Variants in GRM8 observed in about 807,000 individuals in gnomAD.
GRM8 encodes the protein glutamate metabotropic receptor 8, also known as metabotropic glutamate receptor 8.
GRM8 carries 47 observed loss-of-function variants against 87.2 expected under a neutral mutation model. The observed-to-expected ratio is 0.54, with a 90% CI of 0.43 to 0.69. The LOEUF is 0.69. GRM8 is among the 30% of genes least tolerant of loss of function. The pLI is 0.00. For synonymous variants in GRM8, 396 were observed against 404.5 expected, an observed-to-expected ratio of 0.98 and a Z score of 0.25; for missense variants, 1,019 against 1,139.2, an observed-to-expected ratio of 0.89 and a Z score of 1.52.
chr7:126,534,205 AT>A (rs953650523), intron 8 of GRM8, among the ~76,000 whole-genome samples: 34 of 152,312 alleles, frequency 2.2e-4, no homozygotes, highest in African/African-American at 7.2e-4. Flanking sequence ...ATACAAAAAA[AT>A]AAGAAGAAGC....
chr7:126,858,536 T>C (rs922810096), intron 6 of GRM8, among the ~76,000 whole-genome samples: 2 of 152,088 alleles, frequency 1.3e-5, no homozygotes, highest in Non-Finnish European at 2.9e-5. Context: ...CTCCAACAGA[T>C]AAAGGGCTAA....
intron 3 of GRM8, among the ~76,000 whole-genome samples, chr7:127,000,830 T>C (rs2132029402): frequency 6.6e-6 from 1 of 151,788 alleles, no homozygotes; most frequent in Non-Finnish European, 1.5e-5. Context: ...ATTGAATACT[T>C]AAAGATGGTT....
At chr7:126,956,878 C>T (rs1030594524) in intron 3 of GRM8, among the ~76,000 whole-genome samples, 6 of 152,170 alleles carry the variant, frequency 3.9e-5, no homozygotes, top group African/African-American at 1.2e-4. Context: ...GATAATGGAA[C>T]ATTTCACTCA....
At chr7:127,090,004 A>G (rs1017079431) in intron 3 of GRM8, among the ~76,000 whole-genome samples, 1 of 152,192 alleles carries the variant, frequency 6.6e-6, no homozygotes, top group African/African-American at 2.4e-5. Flanking sequence ...TTTTGTTTCA[A>G]TGGCATAGAT....
chr7:126,593,612 T>C (rs994679536), intron 8 of GRM8, among the ~76,000 whole-genome samples: 2 of 151,984 alleles, frequency 1.3e-5, no homozygotes, highest in African/African-American at 4.8e-5. Context: ...ATGGATTAAA[T>C]ACTTAAATAT....
intron 7 of GRM8, among the ~76,000 whole-genome samples, chr7:126,628,250 G>A (rs1338893804): frequency 2.6e-5 from 4 of 151,928 alleles, no homozygotes; most frequent in Non-Finnish European, 4.4e-5. Flanking sequence ...GTTTCACTGT[G>A]TTGCCAGGAT....
chr7:126,796,682 T>C (rs554562000), intron 6 of GRM8, among the ~76,000 whole-genome samples: 1 of 152,108 alleles, frequency 6.6e-6, no homozygotes, highest in Non-Finnish European at 1.5e-5. Context: ...CTTTTTGGTC[T>C]AGGAGAACAC....
intron 8 of GRM8, among the ~76,000 whole-genome samples, chr7:126,575,763 T>TA (rs890309645): frequency 1.3e-5 from 2 of 151,500 alleles, no homozygotes; most frequent in Non-Finnish European, 2.9e-5. Flanking sequence ...TGCCAACCCC[T>TA]AAAAAAAAAT....
Position 127,022,868 on chromosome 7 carries a change from C to T in GRM8, c.727+83628G>A, listed in dbSNP as rs139815801. On this transcript the variant is annotated intron_variant, in intron 3 of 10. Transcript: ENST00000339582. The stretch of plus-strand genomic sequence containing the variant: ...AACCCAGTTCTCCCACTTAATTTCT[C>T]TAAGCTTCAGTTTCCCCATCTATAA... Among the ~76,000 whole-genome samples, 6 of 152,174 alleles carry T rather than the reference C, an allele frequency of 3.9e-5. No individual in the cohort carries two copies. The East Asian group carries it at 1.2e-3, about 29-fold the overall frequency.
intron 3 of GRM8, among the ~76,000 whole-genome samples, chr7:126,952,667 C>T (rs1240178839): frequency 1.3e-5 from 2 of 152,028 alleles, no homozygotes; most frequent in Admixed American, 6.5e-5. Context: ...GAGAAGAACA[C>T]ATCATTTCTG....
In GRM8 at chr7:127,001,344, G is replaced by A. The variant is rs140882183; in HGVS notation, c.728-96661C>T. On this transcript the variant is annotated intron_variant, in intron 3 of 10. Coordinates refer to ENST00000339582, the MANE Select transcript of GRM8 (RefSeq NM_000845.3). Reference sequence around the variant, plus strand: ...CAAAAGTGATAAATTATATCAATTCGTTAATATAGAAATATAGACTATAAT... The same window carrying A: ...CAAAAGTGATAAATTATATCAATTCATTAATATAGAAATATAGACTATAAT... 2.7e-3 allele frequency among the ~76,000 whole-genome samples: 407 copies of A among 151,482 alleles called. 4 individuals carry two copies. The highest frequency in any genetic ancestry group is 9.4e-3 in the African/African-American group (388 of 41,432).
intron 3 of GRM8, among the ~76,000 whole-genome samples, chr7:127,052,090 A>C (rs1273663095): frequency 6.6e-6 from 1 of 152,200 alleles, no homozygotes; most frequent in Non-Finnish European, 1.5e-5. Flanking sequence ...TGTTTCATGA[A>C]AATTTTTGAT....
intron 6 of GRM8, among the ~76,000 whole-genome samples, chr7:126,791,027 GT>G (rs1221627630): frequency 1.3e-5 from 2 of 152,096 alleles, no homozygotes; most frequent in African/African-American, 4.8e-5. Context: ...CAGTGCCAGT[GT>G]TCTAAATGGA....
At chr7:126,592,295 G>C (rs1324581883) in intron 8 of GRM8, among the ~76,000 whole-genome samples, 3 of 151,562 alleles carry the variant, frequency 2.0e-5, no homozygotes, top group Non-Finnish European at 4.4e-5. Context: ...GCATCACCCT[G>C]ATACCAAAGC....
At chr7:126,656,154 G>C (rs908918549) in intron 7 of GRM8, among the ~76,000 whole-genome samples, 18 of 152,272 alleles carry the variant, frequency 1.2e-4, no homozygotes, top group African/African-American at 4.1e-4. Flanking sequence ...ATAATTCCAA[G>C]GGGCATTAAA....
intron 2 of GRM8, among the ~76,000 whole-genome samples, chr7:127,146,463 A>G (rs193213080): frequency 6.6e-6 from 1 of 152,160 alleles, no homozygotes; most frequent in East Asian, 1.9e-4. Flanking sequence ...TGGGGGTCTC[A>G]TGGCTCCAGG....
chr7:127,119,258 T>C lies in GRM8; in HGVS notation c.511-12546A>G, dbSNP rs545653170. Among the ~76,000 whole-genome samples the C allele has an allele frequency of 5.9e-5, 9 of 151,846 alleles. No homozygotes were observed. In the East Asian group the frequency reaches 7.8e-4, roughly 13 times the overall value. On this transcript the variant is annotated intron_variant, in intron 2 of 10. Transcript: ENST00000339582. ...AATCCCAGCACTTTGGGAGGCCGAG[T>C]TGGGATTGCTTGAGGTCAGGAGTTC...
At chr7:126,827,243 T>C (rs958815099) in intron 6 of GRM8, among the ~76,000 whole-genome samples, 4 of 152,182 alleles carry the variant, frequency 2.6e-5, no homozygotes, top group Non-Finnish European at 5.9e-5. Flanking sequence ...TTTTTTCCAA[T>C]TCTGTGAAGA....
intron 3 of GRM8, among the ~76,000 whole-genome samples, chr7:126,911,802 A>G (rs918636143): frequency 1.5e-4 from 23 of 152,204 alleles, no homozygotes; most frequent in Admixed American, 1.2e-3. Context: ...CCAGGCCATT[A>G]TACCTCCACA....
Sources: gnomAD v4.1 joint callset for allele counts (sites outside exome capture counted in the v4.1 genomes callset) on GRCh38, gnomAD v4.1.1 for gene constraint, MANE v1.5 for transcripts, NCBI Gene and HGNC (gene_info 2026-07-23, HGNC 2026-07-21) for gene names.